FUT9: variants seen among roughly 807,000 people sequenced by gnomAD.
FUT9 encodes the protein 4-galactosyl-N-acetylglucosaminide 3-alpha-L-fucosyltransferase 9.
Under a neutral mutation model 29.7 loss-of-function variants are expected in FUT9, and 15 were observed. The observed-to-expected ratio is 0.51, with a 90% CI of 0.34 to 0.78. The LOEUF (loss-of-function observed/expected upper bound fraction) is 0.78, where lower values mean the gene tolerates loss of function less well. Among genes scored for constraint, FUT9 ranks in the 30% least tolerant of loss-of-function variants. The probability of loss-of-function intolerance (pLI) is 0.01; values close to 1 mark genes in which losing one functional copy is unlikely to be tolerated. For missense variants in FUT9, 319 were observed against 425.4 expected (o/e 0.75, Z 2.20); for synonymous variants, 169 against 153.7 (o/e 1.10, Z -0.74).
chr6:96,161,248 C>A (rs758717985), intron 2 of FUT9, among the ~76,000 whole-genome samples: 1 of 152,052 alleles, frequency 6.6e-6, no homozygotes, highest in Non-Finnish European at 1.5e-5. Context: ...CAGAGCTCTC[C>A]TGGATGGGAT....
chr6:96,154,389 T>C (rs1772737374), intron 2 of FUT9, among the ~76,000 whole-genome samples: 1 of 152,212 alleles, frequency 6.6e-6, no homozygotes, highest in Non-Finnish European at 1.5e-5. Context: ...CCAACAGTAA[T>C]ATAAAAGCAA....
At chr6:96,025,493 T>C (rs540927352) in intron 1 of FUT9, among the ~76,000 whole-genome samples, 14 of 151,848 alleles carry the variant, frequency 9.2e-5, no homozygotes, top group African/African-American at 3.1e-4. Flanking sequence ...TTTTCAACAT[T>C]CTTGGATGAG....
chr6:96,098,024 G>T (rs1771529388), intron 1 of FUT9, among the ~76,000 whole-genome samples: 1 of 151,856 alleles, frequency 6.6e-6, no homozygotes, highest in African/African-American at 2.4e-5. Context: ...TTGAAGTAGA[G>T]GATTCTAGGG....
At chr6:96,064,542 A>T (rs1455924249) in intron 1 of FUT9, among the ~76,000 whole-genome samples, 1 of 152,056 alleles carries the variant, frequency 6.6e-6, no homozygotes, top group African/African-American at 2.4e-5. Context: ...CTTGGCACAA[A>T]ACCTCTACTT....
intron 2 of FUT9, among the ~76,000 whole-genome samples, chr6:96,119,575 TAA>T (rs1771980940): frequency 6.6e-6 from 1 of 152,230 alleles, no homozygotes; most frequent in Non-Finnish European, 1.5e-5. Context: ...TGTATTTTCT[TAA>T]ATAACAATGT....
At chr6:96,168,252 T>G (rs1773049770) in intron 2 of FUT9, among the ~76,000 whole-genome samples, 1 of 152,192 alleles carries the variant, frequency 6.6e-6, no homozygotes, top group Non-Finnish European at 1.5e-5. Context: ...CATCTTCATA[T>G]ATGAGTCTAG....
intron 2 of FUT9, among the ~76,000 whole-genome samples, chr6:96,161,227 GATC>G (rs1187730178): frequency 6.6e-6 from 1 of 152,138 alleles, no homozygotes; most frequent in East Asian, 1.9e-4. Flanking sequence ...TGGGTGATTA[GATC>G]ATGAGTACAG....
At chr6:96,112,989 G>C (rs1771838025) in intron 1 of FUT9, among the ~76,000 whole-genome samples, 1 of 152,070 alleles carries the variant, frequency 6.6e-6, no homozygotes, top group Admixed American at 6.6e-5. Context: ...AGATGTTTAG[G>C]CAAATCATCG....
intron 2 of FUT9, among the ~76,000 whole-genome samples, chr6:96,193,850 A>G (rs1244173818): frequency 6.6e-6 from 1 of 152,218 alleles, no homozygotes; most frequent in Non-Finnish European, 1.5e-5. Context: ...TGGCACATAT[A>G]CACCATGGAA....
At chr6:96,090,771 A>G (rs150169661) in intron 1 of FUT9, among the ~76,000 whole-genome samples, 246 of 152,094 alleles carry the variant, frequency 1.6e-3, no homozygotes, top group Middle Eastern at 6.8e-3. Context: ...ACACACCCCA[A>G]CAGACACACT....
At chr6:96,136,318 T>C (rs1212193716) in intron 2 of FUT9, among the ~76,000 whole-genome samples, 2 of 151,870 alleles carry the variant, frequency 1.3e-5, no homozygotes, top group Non-Finnish European at 2.9e-5. Flanking sequence ...TATGTTGATA[T>C]GTGATGGGGC....
chr6:96,192,534 T>G (rs1408534921), intron 2 of FUT9, among the ~76,000 whole-genome samples: 29 of 152,100 alleles, frequency 1.9e-4, no homozygotes, highest in Non-Finnish European at 8.8e-5. Flanking sequence ...TACAAACCAC[T>G]GCTTGACGAA....
intron 1 of FUT9, among the ~76,000 whole-genome samples, chr6:96,074,195 A>G (rs1771108210): frequency 6.6e-6 from 1 of 152,148 alleles, no homozygotes; most frequent in Non-Finnish European, 1.5e-5. Context: ...CATCCCTGAG[A>G]ATGCAGCCTG....
intron 2 of FUT9, among the ~76,000 whole-genome samples, chr6:96,158,816 T>C (rs1171895842): frequency 6.6e-6 from 1 of 152,122 alleles, no homozygotes; most frequent in Admixed American, 6.5e-5. Context: ...CTCTTAGGCT[T>C]GAATCCTCAG....
chr6:96,079,559 A>G (rs182271618), intron 1 of FUT9, among the ~76,000 whole-genome samples: 3 of 152,302 alleles, frequency 2.0e-5, no homozygotes, highest in East Asian at 1.9e-4. Context: ...TGAGATTAAT[A>G]TATCATTTTT....
chr6:96,055,813 G>A (rs1042607236), intron 1 of FUT9, among the ~76,000 whole-genome samples: 1 of 150,778 alleles, frequency 6.6e-6, no homozygotes, highest in Non-Finnish European at 1.5e-5. Flanking sequence ...CCACAGTGCT[G>A]GGATTAAAGG....
chr6:96,095,058 C>T (rs952785729), intron 1 of FUT9, among the ~76,000 whole-genome samples: 1 of 152,046 alleles, frequency 6.6e-6, no homozygotes, highest in Non-Finnish European at 1.5e-5. Flanking sequence ...CACCTACGTC[C>T]TCTTCGTGAT....
At chr6:96,077,411 G>A (rs1771157234) in intron 1 of FUT9, among the ~76,000 whole-genome samples, 4 of 151,996 alleles carry the variant, frequency 2.6e-5, no homozygotes, top group Non-Finnish European at 1.5e-5. Flanking sequence ...CTTTATTAAT[G>A]TGCATGGTTT....
intron 2 of FUT9, among the ~76,000 whole-genome samples, chr6:96,157,449 A>C: frequency 6.6e-6 from 1 of 152,188 alleles, no homozygotes; most frequent in South Asian, 2.1e-4. Flanking sequence ...TAATAAAATG[A>C]GTTGAGGAAT....
Sources: gnomAD v4.1 joint callset for allele counts (sites outside exome capture counted in the v4.1 genomes callset) on GRCh38, gnomAD v4.1.1 for gene constraint, MANE v1.5 for transcripts, NCBI Gene and HGNC (gene_info 2026-07-23, HGNC 2026-07-21) for gene names.